Variants in ISY1 observed in about 807,000 individuals in gnomAD.
ISY1 encodes ISY1 spliceosome associated protein.
A neutral mutation model predicts 54.4 loss-of-function variants in ISY1; 12 were observed. The observed-to-expected ratio is 0.22, with a 90% CI of 0.14 to 0.36. ISY1 has a LOEUF of 0.36. Ranked by LOEUF, ISY1 falls within the 10% of genes least tolerant of loss-of-function variation. The pLI, the probability that ISY1 is intolerant of heterozygous loss-of-function variation, is 1.00. For missense variants in ISY1, 282 were observed against 342.2 expected (o/e 0.82, Z 1.39); for synonymous variants, 96 against 117.9 (o/e 0.81, Z 1.20).
At position 129,140,434 on chromosome 3, in the gene ISY1, G is replaced by T; in HGVS notation, c.352C>A (p.Arg118=). 6.2e-7 allele frequency: 1 copy of T among 1,613,204 alleles called. No homozygotes were observed. Among genetic ancestry groups the T allele is most frequent in the Non-Finnish European group, 8.5e-7 (1 of 1,179,818 alleles). Residue 118 remains arginine, a synonymous_variant, in exon 7 of 11, where the codon CGA becomes AGA. Coordinates refer to ENST00000393295, the MANE Select transcript of ISY1 (RefSeq NM_020701.4). ...DHEGKEVPGN[R]GYKYFGAAKD... Reference sequence around the variant, plus strand: ...GCTGCTCCAAAGTACTTGTAACCTCGGTTTCCTGGGACTTCTTTTCCTTCA... The same window carrying T: ...GCTGCTCCAAAGTACTTGTAACCTCTGTTTCCTGGGACTTCTTTTCCTTCA...
chr3:129,138,524 G>C (rs1040141730), intron 7 of ISY1, among the ~76,000 whole-genome samples: 2 of 151,962 alleles, frequency 1.3e-5, no homozygotes, highest in Non-Finnish European at 2.9e-5. Flanking sequence ...GATGCCTGTA[G>C]TCCCAGCTAC....
chr3:129,159,452 A>G (rs1171943476), intron 1 of ISY1, among the ~76,000 whole-genome samples: 1 of 152,036 alleles, frequency 6.6e-6, no homozygotes, highest in Non-Finnish European at 1.5e-5. Context: ...TTGTGTCATG[A>G]CCACCCAGAA....
chr3:129,131,082 G>C (rs189876280), intron 9 of ISY1, among the ~76,000 whole-genome samples: 1 of 152,326 alleles, frequency 6.6e-6, no homozygotes, highest in African/African-American at 2.4e-5. Flanking sequence ...CACGGACTTG[G>C]AAAGAGAGAA....
intron 5 of ISY1, among the ~76,000 whole-genome samples, chr3:129,154,845 C>T (rs1409197602): frequency 1.1e-4 from 16 of 151,950 alleles, no homozygotes; most frequent in African/African-American, 3.9e-4. Context: ...CCTGCCACCA[C>T]ATCCAGCTAA....
chr3:129,138,418 G>A (rs1462170331), intron 7 of ISY1, among the ~76,000 whole-genome samples: 1 of 149,694 alleles, frequency 6.7e-6, no homozygotes, highest in Non-Finnish European at 1.5e-5. Flanking sequence ...GGTGGATCAC[G>A]AGGTCAGGAG....
intron 9 of ISY1, among the ~76,000 whole-genome samples, chr3:129,131,986 C>T (rs1218823794): frequency 3.3e-5 from 5 of 152,158 alleles, no homozygotes; most frequent in African/African-American, 1.2e-4. Context: ...TGTCCAACCA[C>T]ACCTAGCTAA....
At chr3:129,138,176 C>A (rs944344527) in intron 7 of ISY1, among the ~76,000 whole-genome samples, 1 of 140,826 alleles carries the variant, frequency 7.1e-6, no homozygotes, top group African/African-American at 2.6e-5. Context: ...TACTCAGGAG[C>A]CTGAGGCAGG....
intron 5 of ISY1, 28 bp from the exon 6 acceptor site, chr3:129,145,901 A>C: frequency 6.2e-7 from 1 of 1,610,756 alleles, no homozygotes; most frequent in Non-Finnish European, 8.5e-7. Flanking sequence ...TAACAATATC[A>C]TTCCATAAAA....
At chr3:129,150,796 G>GT (rs147531298) in intron 5 of ISY1, among the ~76,000 whole-genome samples, 5,216 of 152,134 alleles carry the variant, frequency 0.034, 202 homozygotes, top group East Asian at 0.11. Flanking sequence ...AAAAAATGTT[G>GT]TATTTCCAGC....
Position 129,156,973 on chromosome 3 carries a change from A to G in ISY1, c.79-53T>C, listed in dbSNP as rs1576894109. The G allele has an allele frequency of 4.4e-6, 7 of 1,596,378 alleles. No homozygotes were observed. In the East Asian group the frequency reaches 1.6e-4, roughly 36 times the overall value. ...ATTATACTATTTACAAGTTTCAAAC[A>G]ACATTCAGAACTGATTCAGGCCTTA... On this transcript the variant is annotated intron_variant, in intron 3 of 10. Transcript: ENST00000393295.
At chr3:129,139,102 T>C (rs1936527797) in intron 7 of ISY1, among the ~76,000 whole-genome samples, 1 of 151,536 alleles carries the variant, frequency 6.6e-6, no homozygotes, top group Admixed American at 6.6e-5. Context: ...CCCAGCTAAT[T>C]TTTTTTGTAT....
intron 7 of ISY1, 125 bp downstream of exon 7, chr3:129,140,243 A>T: frequency 1.2e-6 from 1 of 816,488 alleles, no homozygotes. Flanking sequence ...ATCTGGGAAC[A>T]ATAATTCCTA....
At chr3:129,153,703 T>C (rs1034779761) in intron 5 of ISY1, among the ~76,000 whole-genome samples, 6 of 151,524 alleles carry the variant, frequency 4.0e-5, no homozygotes, top group African/African-American at 1.5e-4. Flanking sequence ...GGAGATTCGC[T>C]TGAACCCGGG....
At chr3:129,147,900 T>C (rs1298237888) in intron 5 of ISY1, among the ~76,000 whole-genome samples, 1 of 152,230 alleles carries the variant, frequency 6.6e-6, no homozygotes, top group African/African-American at 2.4e-5. Flanking sequence ...GAGTTTTGTT[T>C]CTTTCACTCA....
At chr3:129,131,842 C>T (rs75610747) in intron 9 of ISY1, among the ~76,000 whole-genome samples, 1,946 of 152,150 alleles carry the variant, frequency 0.013, 30 homozygotes, top group African/African-American at 0.044. Flanking sequence ...GGGGTGGCAC[C>T]AGGGATCTTT....
chr3:129,135,018 C>G, intron 7 of ISY1, 64 bp from the exon 8 acceptor site: 1 of 1,537,688 alleles, frequency 6.5e-7, no homozygotes, highest in Non-Finnish European at 8.8e-7. Context: ...AAGCTGTCTC[C>G]TGATGCAACG....
At chr3:129,143,750 G>T (rs1936693953) in intron 6 of ISY1, among the ~76,000 whole-genome samples, 1 of 151,446 alleles carries the variant, frequency 6.6e-6, no homozygotes, top group South Asian at 2.1e-4. Flanking sequence ...ATTTTGAAAA[G>T]AAAAACAAAA....
At position 129,160,881 on chromosome 3, in the gene ISY1, G is replaced by A. The variant is rs73862939; in HGVS notation, c.3+92C>T. 3,441 of 1,476,498 alleles carry A rather than the reference G, an allele frequency of 2.3e-3. 56 individuals are homozygous for A. In the African/African-American group the frequency reaches 0.043, roughly 18 times the overall value. 91.5% of individuals were successfully genotyped at this position (1,476,498 alleles called of 1,614,324 possible). ...TTGAAGCCCTCAGCACTGCACGTCT[G>A]AGCCTCTACCGAATGAGCGCCCCAG... On this transcript the variant is annotated intron_variant, in intron 1 of 10. Transcript: ENST00000393295.
intron 7 of ISY1, among the ~76,000 whole-genome samples, chr3:129,139,285 AT>A (rs1157807161): frequency 3.3e-5 from 5 of 152,212 alleles, no homozygotes; most frequent in African/African-American, 1.2e-4. Context: ...ATGGCACAAT[AT>A]TTAAACTCTG....
Sources: gnomAD v4.1 joint callset for allele counts (sites outside exome capture counted in the v4.1 genomes callset) on GRCh38, gnomAD v4.1.1 for gene constraint, MANE v1.5 for transcripts, NCBI Gene and HGNC (gene_info 2026-07-23, HGNC 2026-07-21) for gene names.